Variants in AIG1 observed in about 807,000 individuals in gnomAD.
The protein encoded by AIG1 is androgen-induced gene 1 protein.
Under a neutral mutation model 31.4 loss-of-function variants are expected in AIG1, and 23 were observed. The observed-to-expected ratio is 0.73, with a 90% confidence interval of 0.53 to 1.04. The LOEUF (loss-of-function observed/expected upper bound fraction) is 1.04. Among genes scored for constraint, AIG1 ranks in the 50% least tolerant of loss-of-function variants. The probability of loss-of-function intolerance (pLI) is 0.00; values close to 1 mark genes in which losing one functional copy is unlikely to be tolerated. For synonymous variants in AIG1, 100 were observed against 110.5 expected (o/e 0.90, Z 0.60); for missense variants, 274 against 295.0 (o/e 0.93, Z 0.52).
At chr6:143,060,860 G>T, upstream of AIG1, 1 of 1,110,700 alleles carries the variant, frequency 9.0e-7, no homozygotes, top group South Asian at 3.3e-5. Flanking sequence ...GCCCGCCCCC[G>T]CGCGCCCGGC....
At chr6:143,137,413 G>T (rs1783864501) in intron 2 of AIG1, among the ~76,000 whole-genome samples, 1 of 152,172 alleles carries the variant, frequency 6.6e-6, no homozygotes, top group African/African-American at 2.4e-5. Context: ...GTCACATTGT[G>T]AGATTCTGGG....
intron 1 of AIG1, among the ~76,000 whole-genome samples, chr6:143,102,264 T>C (rs1780355997): frequency 6.6e-6 from 1 of 151,676 alleles, no homozygotes; most frequent in African/African-American, 2.4e-5. Flanking sequence ...TTTTGGCACA[T>C]CTAATTAGTT....
rs59881018 is a variant in AIG1, at chr6:143,296,748, A to G, written c.515+12523A>G. Among the ~76,000 whole-genome samples, 1,399 of 152,360 alleles carry G rather than the reference A, an allele frequency of 9.2e-3. 16 individuals are homozygous for G. Among genetic ancestry groups the G allele is most frequent in the African/African-American group, 0.032 (1,346 of 41,580 alleles). On this transcript the variant is annotated intron_variant, in intron 4 of 5. Coordinates refer to ENST00000357847, the MANE Select transcript of AIG1 (RefSeq NM_016108.4). ...TGTTATGGGATGGAAATGGCAAGAG[A>G]AACTTGATCTAAAATAGCCATATAA...
chr6:143,274,555 T>A (rs538711948), intron 3 of AIG1, among the ~76,000 whole-genome samples: 32 of 152,376 alleles, frequency 2.1e-4, no homozygotes, highest in African/African-American at 7.7e-4. Context: ...GTGAATGAGA[T>A]CTTTTCCAAG....
chr6:143,223,309 G>A (rs1042532009), intron 3 of AIG1, among the ~76,000 whole-genome samples: 9 of 152,144 alleles, frequency 5.9e-5, no homozygotes, highest in Non-Finnish European at 1.3e-4. Context: ...GTGCTGTAAC[G>A]AGTCCTCCAG....
downstream of AIG1, chr6:143,342,432 C>T (rs1026450725): frequency 5.3e-6 from 4 of 756,010 alleles, no homozygotes; most frequent in African/African-American, 5.2e-5. Context: ...GGTTGAACCT[C>T]GAAGATCAGA....
intron 3 of AIG1, among the ~76,000 whole-genome samples, chr6:143,233,491 G>A (rs1194637293): frequency 1.3e-5 from 2 of 148,850 alleles, no homozygotes; most frequent in African/African-American, 5.0e-5. Context: ...ATTGAGTAAA[G>A]AATGATTTGT....
At chr6:143,198,572 G>A (rs1009951709) in intron 3 of AIG1, among the ~76,000 whole-genome samples, 2 of 152,180 alleles carry the variant, frequency 1.3e-5, no homozygotes, top group Admixed American at 6.5e-5. Flanking sequence ...TAAAATCGAT[G>A]GTCTGGAGGT....
At position 143,268,562 on chromosome 6, in the gene AIG1, G is replaced by T. The variant is rs1796306852; in HGVS notation, c.400-15548G>T. 6.6e-6 allele frequency among the ~76,000 whole-genome samples: 1 copy of T among 152,166 alleles called. No individual in the cohort carries two copies. Among genetic ancestry groups the T allele is most frequent in the Non-Finnish European group, 1.5e-5 (1 of 68,036 alleles). ...CTGACTATAGCACCAAAATTAGGTG[G>T]TGGTAAGGAATTTAATCATGTACTG... On this transcript the variant is annotated intron_variant, in intron 3 of 5. Coordinates refer to ENST00000357847, the MANE Select transcript of AIG1 (RefSeq NM_016108.4). This position sits in a 1 kb window ranked among gnomAD's most constrained non-coding sequence, Gnocchi z 5.0.
rs1234790794 is a variant in AIG1, at chr6:143,286,564, G to C, written c.515+2339G>C. ...TGTTATCAAAAAGGTACTGGCTTTT[G>C]CTTCCTTTCAGACTATGTTAGGGCC... On this transcript the variant is annotated intron_variant, in intron 4 of 5. Coordinates refer to ENST00000357847, the MANE Select transcript of AIG1 (RefSeq NM_016108.4). Among the ~76,000 whole-genome samples, 6 of 152,094 alleles carry C rather than the reference G, an allele frequency of 3.9e-5. No individual in the cohort carries two copies. In the East Asian group the frequency reaches 7.7e-4, roughly 20 times the overall value.
chr6:143,253,502 C>T (rs962812578), intron 3 of AIG1, among the ~76,000 whole-genome samples: 3 of 152,180 alleles, frequency 2.0e-5, no homozygotes, highest in Non-Finnish European at 4.4e-5. Context: ...TTCAGCATAG[C>T]CATGCAGGGA....
In AIG1 at chr6:143,190,189, A is replaced by T. The variant is rs186855757; in HGVS notation, c.399+25006A>T. 14 of 984,976 alleles carry T rather than the reference A, an allele frequency of 1.4e-5. No homozygotes were observed. In the African/African-American group the frequency reaches 2.5e-4, roughly 17 times the overall value. 61.0% of individuals were successfully genotyped at this position (984,976 alleles called of 1,614,324 possible). On this transcript the variant is annotated intron_variant, in intron 3 of 5. Transcript: ENST00000357847. ...ACAGAAACATTCAGCCCATAGCAGG[A>T]TGAGAAAAAGAAAGGAAAGTACAAC...
At position 143,328,614 on chromosome 6, in the gene AIG1, A is replaced by T. The variant is rs997632304; in HGVS notation, c.516-4668A>T. 6.6e-6 allele frequency among the ~76,000 whole-genome samples: 1 copy of T among 152,148 alleles called. No homozygotes were observed. The highest frequency in any genetic ancestry group is 2.4e-5 in the African/African-American group (1 of 41,448). On this transcript the variant is annotated intron_variant, in intron 4 of 5. Transcript: ENST00000357847. This position sits in a 1 kb window ranked among gnomAD's most constrained non-coding sequence, Gnocchi z 4.0. ...CTGCCTCATTTACTTTTTTTCATCG[A>T]TGCATTATAGATGTACACAGTTTCA...
At chr6:143,095,547 A>G (rs115534152) in intron 1 of AIG1, among the ~76,000 whole-genome samples, 1 of 152,176 alleles carries the variant, frequency 6.6e-6, no homozygotes, top group Non-Finnish European at 1.5e-5. Flanking sequence ...TGAATCATCT[A>G]AATTTATTAT....
intron 3 of AIG1, among the ~76,000 whole-genome samples, chr6:143,183,228 G>T (rs189721321): frequency 1.0e-3 from 139 of 137,518 alleles, no homozygotes; most frequent in African/African-American, 3.5e-3. Context: ...ACGGAGTCTC[G>T]CTCTGTCGCC....
At chr6:143,102,310 G>C (rs1251834473) in intron 1 of AIG1, among the ~76,000 whole-genome samples, 1 of 150,858 alleles carries the variant, frequency 6.6e-6, no homozygotes, top group African/African-American at 2.4e-5. Context: ...TAAGACTGAA[G>C]GTTTTTATTC....
chr6:143,272,890 G>A (rs749046723), intron 3 of AIG1, among the ~76,000 whole-genome samples: 54 of 152,206 alleles, frequency 3.5e-4, no homozygotes, highest in Non-Finnish European at 4.7e-4. Context: ...CAGCACTTTG[G>A]GAGGCCGAGG....
intron 3 of AIG1, among the ~76,000 whole-genome samples, chr6:143,179,407 C>T (rs888024216): frequency 6.6e-6 from 1 of 152,146 alleles, no homozygotes; most frequent in African/African-American, 2.4e-5. Context: ...GAATCTACAG[C>T]CCAGGACCAC....
intron 2 of AIG1, among the ~76,000 whole-genome samples, chr6:143,143,163 G>A (rs934180943): frequency 4.0e-5 from 6 of 151,738 alleles, no homozygotes; most frequent in Admixed American, 6.6e-5. Context: ...ATAAATAAAA[G>A]CAAATGTCTT....
Sources: allele counts gnomAD v4.1 joint callset (sites outside exome capture counted in the v4.1 genomes callset), GRCh38; gene constraint gnomAD v4.1.1; non-coding constraint Gnocchi (gnomAD v3.1); transcripts MANE v1.5; gene names NCBI Gene and HGNC (gene_info 2026-07-23, HGNC 2026-07-21).